UCK2: variants seen among roughly 807,000 people sequenced by gnomAD.
UCK2 encodes the protein uridine-cytidine kinase 2, also known as cytidine monophosphokinase 2.
UCK2 carries 6 observed loss-of-function variants against 30.8 expected under a neutral mutation model. That is an observed-to-expected ratio of 0.19 (90% CI 0.11 to 0.38). The LOEUF (loss-of-function observed/expected upper bound fraction) is 0.38, where lower values mean the gene tolerates loss of function less well. Among genes scored for constraint, UCK2 ranks in the 10% least tolerant of loss-of-function variants. The pLI, the probability that UCK2 is intolerant of heterozygous loss-of-function variation, is 1.00. For missense variants in UCK2, 210 were observed against 339.8 expected (o/e 0.62, Z 3.00); for synonymous variants, 125 against 133.6 (o/e 0.94, Z 0.45).
At position 165,896,280 on chromosome 1, in the gene UCK2, C is replaced by A; in HGVS notation, c.447C>A (p.Phe149Leu). 6.2e-7 allele frequency: 1 copy of A among 1,614,216 alleles called. No individual in the cohort carries two copies. The highest frequency in any genetic ancestry group is 8.5e-7 in the Non-Finnish European group (1 of 1,180,044). Residue 149 changes from phenylalanine (F) to leucine (L), a missense_variant, in exon 4 of 7, where the codon TTC (phenylalanine) becomes TTA (leucine). Physicochemically the swap from Phe to Leu is conservative, Grantham distance 22 (BLOSUM62 0). Transcript: ENST00000367879. ...ACTCCCAGGAGGTACGAGACCTGTT[C>A]CAGATGAAGCTTTTTGTGGATACAG... ...AFYSQEVRDL[F>L]QMKLFVDTDA...
Position 165,908,088 on chromosome 1 carries a change from TAC to T in UCK2, c.*267_*268del, listed in dbSNP as rs1320063442. 1 of 310,552 alleles carries T rather than the reference TAC, an allele frequency of 3.2e-6. No individual in the cohort carries two copies. The highest frequency in any genetic ancestry group is 6.0e-5 in the East Asian group (1 of 16,778). 19.2% of individuals were successfully genotyped at this position (310,552 alleles called of 1,614,324 possible). A position where few individuals can be genotyped will look rare whatever the true frequency, so the allele number is the denominator to read the frequency against. On this transcript the variant is annotated 3_prime_UTR_variant, in exon 7 of 7. Coordinates refer to ENST00000367879, the MANE Select transcript of UCK2 (RefSeq NM_012474.5). ...AATCCAACGTGTAACCAGTTATAAA[TAC>T]ATATATATATAAAAAAGGATCTATT...
chr1:165,871,425 T>C (rs1655194156), intron 1 of UCK2, among the ~76,000 whole-genome samples: 1 of 152,208 alleles, frequency 6.6e-6, no homozygotes, highest in Admixed American at 6.5e-5. Flanking sequence ...AGGTCCTGTG[T>C]CTCTTTCCTG....
chr1:165,899,787 C>T (rs1234726072), intron 4 of UCK2, among the ~76,000 whole-genome samples: 1 of 152,190 alleles, frequency 6.6e-6, no homozygotes, highest in Non-Finnish European at 1.5e-5. Flanking sequence ...TGTTTCCTGA[C>T]TCTGCCTGAG....
chr1:165,836,551 G>A (rs1180273635), intron 1 of UCK2, among the ~76,000 whole-genome samples: 2 of 152,136 alleles, frequency 1.3e-5, no homozygotes, highest in Non-Finnish European at 2.9e-5. Context: ...CTCTAATTTT[G>A]TAGAAAGCAG....
chr1:165,836,079 T>A (rs958386444), intron 1 of UCK2, among the ~76,000 whole-genome samples: 6 of 152,000 alleles, frequency 3.9e-5, no homozygotes, highest in African/African-American at 1.2e-4. Flanking sequence ...AATACAAAAA[T>A]TAGCTGGGCA....
intron 1 of UCK2, among the ~76,000 whole-genome samples, chr1:165,862,398 G>A (rs1654935811): frequency 1.3e-5 from 2 of 152,180 alleles, no homozygotes; most frequent in African/African-American, 4.8e-5. Context: ...GTAGGCACAA[G>A]GCAGAGGCGA....
At chr1:165,835,915 T>G (rs911073692) in intron 1 of UCK2, among the ~76,000 whole-genome samples, 3 of 152,222 alleles carry the variant, frequency 2.0e-5, no homozygotes, top group Non-Finnish European at 2.9e-5. Context: ...ACTGTACTTA[T>G]TAGTATAAAA....
intron 1 of UCK2, among the ~76,000 whole-genome samples, chr1:165,869,071 A>AGAG (rs1368244364): frequency 7.9e-5 from 12 of 152,214 alleles, no homozygotes; most frequent in Non-Finnish European, 1.6e-4. Flanking sequence ...GAGACAGTGG[A>AGAG]ATGCCCCAGT....
At chr1:165,904,639 A>G (rs918616534) in intron 5 of UCK2, among the ~76,000 whole-genome samples, 3 of 152,212 alleles carry the variant, frequency 2.0e-5, no homozygotes, top group African/African-American at 7.2e-5. Flanking sequence ...CTCTTTGCTC[A>G]GGGAAGATCA....
At chr1:165,881,182 TAAAAAAAAAAA>T in intron 1 of UCK2, among the ~76,000 whole-genome samples, 1 of 92,852 alleles carries the variant, frequency 1.1e-5, no homozygotes, top group African/African-American at 4.2e-5. Flanking sequence ...CAATAAAACT[TAAAAAAAAAAA>T]AAAAAAAAAA....
chr1:165,864,232 G>C (rs1331341537), intron 1 of UCK2, among the ~76,000 whole-genome samples: 1 of 152,190 alleles, frequency 6.6e-6, no homozygotes. Context: ...ACAGGCATGA[G>C]CCACCGCGCC....
chr1:165,897,704 G>A (rs372917134), intron 4 of UCK2, among the ~76,000 whole-genome samples: 4 of 152,200 alleles, frequency 2.6e-5, no homozygotes, highest in East Asian at 3.9e-4. Flanking sequence ...CACCGTAATT[G>A]TAAGAACTAT....
In UCK2 at chr1:165,854,598, AAAATAAATAAATAAAT is replaced by A. The variant is rs10571444; in HGVS notation, c.99+26698_99+26713del. Among the ~76,000 whole-genome samples the A allele has an allele frequency of 4.2e-4, 60 of 143,688 alleles. No individual in the cohort carries two copies. The South Asian group carries it at 7.8e-3, about 19-fold the overall frequency. 94.3% of individuals were successfully genotyped at this position (143,688 alleles called of 152,430 possible). ...ATTGCTAACTAGGCTTCCTTTTTTA[AAAATAAATAAATAAAT>A]AAATAAATAAATAAATAAATAAATA... On this transcript the variant is annotated intron_variant, in intron 1 of 6. Transcript: ENST00000367879.
At chr1:165,861,424 C>T (rs1442042950) in intron 1 of UCK2, among the ~76,000 whole-genome samples, 1 of 151,600 alleles carries the variant, frequency 6.6e-6, no homozygotes, top group Non-Finnish European at 1.5e-5. Flanking sequence ...GTCCGGACAT[C>T]GAGACCATCC....
chr1:165,838,466 G>C (rs969400147), intron 1 of UCK2, among the ~76,000 whole-genome samples: 1 of 152,142 alleles, frequency 6.6e-6, no homozygotes, highest in Non-Finnish European at 1.5e-5. Flanking sequence ...TGTTGCTCAC[G>C]TGTCTCCTTC....
At position 165,891,299 on chromosome 1, in the gene UCK2, G is replaced by A. The variant is rs142685133; in HGVS notation, c.333G>A (p.Val111=). 1 of 1,614,244 alleles carries A rather than the reference G, an allele frequency of 6.2e-7. No individual in the cohort carries two copies. The highest frequency in any genetic ancestry group is 8.5e-7 in the Non-Finnish European group (1 of 1,180,038). Residue 111 remains valine, a synonymous_variant, in exon 3 of 7, where the codon GTG becomes GTA. Coordinates refer to ENST00000367879, the MANE Select transcript of UCK2 (RefSeq NM_012474.5). The part of the protein sequence containing the change: ...ITEGKTVQIP[V]YDFVSHSRKE... Reference sequence around the variant, plus strand: ...AAGGGAAAACAGTCCAGATCCCCGTGTATGACTTTGTCTCCCATTCCCGGT... The same window carrying A: ...AAGGGAAAACAGTCCAGATCCCCGTATATGACTTTGTCTCCCATTCCCGGT...
chr1:165,889,003 C>T (rs1174287074), intron 1 of UCK2, among the ~76,000 whole-genome samples: 1 of 152,180 alleles, frequency 6.6e-6, no homozygotes, highest in African/African-American at 2.4e-5. Flanking sequence ...ACATGTATTA[C>T]TATCTGTTTT....
intron 1 of UCK2, among the ~76,000 whole-genome samples, chr1:165,864,771 C>T (rs1460634412): frequency 6.6e-6 from 1 of 152,166 alleles, no homozygotes; most frequent in African/African-American, 2.4e-5. Context: ...CCCCGACCTC[C>T]TGGACTTAAG....
Position 165,891,440 on chromosome 1 carries a change from A to G in UCK2, c.356+118A>G, listed in dbSNP as rs981130570. 6.1e-5 allele frequency: 53 copies of G among 870,900 alleles called. 1 individual carries two copies. The Admixed American group carries it at 1.1e-3, about 19-fold the overall frequency. The allele number at this position is 870,900 out of a possible 1,614,324, so 53.9% of individuals were successfully genotyped here. ...TCAGACCTCTGTCCTACCCCTGCCTAATGCCATTCCAGCTGGTCAGTGGAG... is the reference window on the plus strand; with the variant it reads ...TCAGACCTCTGTCCTACCCCTGCCTGATGCCATTCCAGCTGGTCAGTGGAG... On this transcript the variant is annotated intron_variant, in intron 3 of 6. Coordinates refer to ENST00000367879, the MANE Select transcript of UCK2 (RefSeq NM_012474.5).
Sources: gnomAD v4.1 joint callset for allele counts (sites outside exome capture counted in the v4.1 genomes callset) on GRCh38, gnomAD v4.1.1 for gene constraint, MANE v1.5 for transcripts, NCBI Gene and HGNC (gene_info 2026-07-23, HGNC 2026-07-21) for gene names.